Variants in CADM2 observed in about 807,000 individuals in gnomAD.
The protein encoded by CADM2 is cell adhesion molecule 2.
CADM2 carries 12 observed loss-of-function variants against 49.8 expected under a neutral mutation model. That is an observed-to-expected ratio of 0.24 (90% CI 0.15 to 0.39). The LOEUF (loss-of-function observed/expected upper bound fraction) is 0.39. Ranked by LOEUF, CADM2 falls within the 10% of genes least tolerant of loss-of-function variation. The probability of loss-of-function intolerance (pLI) is 1.00; values close to 1 mark genes in which losing one functional copy is unlikely to be tolerated. For synonymous variants in CADM2, 214 were observed against 175.4 expected, an observed-to-expected ratio of 1.22 and a Z score of -1.74; for missense variants, 378 against 492.3, an observed-to-expected ratio of 0.77 and a Z score of 2.20.
At chr3:85,467,041 G>A (rs1281608466) in intron 1 of CADM2, among the ~76,000 whole-genome samples, 4 of 151,832 alleles carry the variant, frequency 2.6e-5, no homozygotes, top group Non-Finnish European at 5.9e-5. Context: ...CACATATTGG[G>A]GTTAAAATTC....
chr3:85,685,251 T>C (rs1017518650), intron 1 of CADM2, among the ~76,000 whole-genome samples: 1 of 152,204 alleles, frequency 6.6e-6, no homozygotes, highest in Non-Finnish European at 1.5e-5. Context: ...AGGGTAAGTG[T>C]GTCACAGATG....
chr3:85,239,053 T>G (rs2107831235), intron 1 of CADM2, among the ~76,000 whole-genome samples: 1 of 151,956 alleles, frequency 6.6e-6, no homozygotes, highest in South Asian at 2.1e-4. Context: ...AAGACTTGGC[T>G]TAAACACCAG....
chr3:85,747,207 A>T (rs1029596772), intron 2 of CADM2, among the ~76,000 whole-genome samples: 2 of 152,112 alleles, frequency 1.3e-5, no homozygotes, highest in East Asian at 3.9e-4. Flanking sequence ...TTGGAGAATT[A>T]TGTATCCTGT....
intron 2 of CADM2, among the ~76,000 whole-genome samples, chr3:85,734,475 A>C (rs1433366297): frequency 2.0e-5 from 3 of 151,622 alleles, no homozygotes; most frequent in African/African-American, 7.3e-5. Flanking sequence ...ATGTAGCACT[A>C]TGATAAGATA....
chr3:85,288,773 T>C (rs1293670844), intron 1 of CADM2, among the ~76,000 whole-genome samples: 2 of 132,128 alleles, frequency 1.5e-5, no homozygotes, highest in East Asian at 4.3e-4. Context: ...AGTATTCTGC[T>C]TTACCAATAT....
intron 2 of CADM2, among the ~76,000 whole-genome samples, chr3:85,774,642 G>C (rs957852760): frequency 1.3e-5 from 2 of 150,780 alleles, no homozygotes; most frequent in Admixed American, 6.6e-5. Context: ...AATAGCTCTG[G>C]AATTAGAAAA....
At chr3:85,433,914 G>A (rs865790778) in intron 1 of CADM2, among the ~76,000 whole-genome samples, 5 of 152,078 alleles carry the variant, frequency 3.3e-5, no homozygotes, top group African/African-American at 1.2e-4. Flanking sequence ...TCCCGCTGGT[G>A]TCAAAGATAT....
rs980687573 is a variant in CADM2 at position 85,589,019 on chromosome 3, T to C, written c.62-137503T>C. On this transcript the variant is annotated intron_variant, in intron 1 of 9. Transcript: ENST00000383699. ...TAAAATATAAGCACCACAGGGAAGG[T>C]CAAAGGCTATGCATTATGTCAGATT... 5.5e-4 allele frequency among the ~76,000 whole-genome samples: 83 copies of C among 152,002 alleles called. 2 individuals are homozygous for C. The highest frequency in any genetic ancestry group is 1.0e-4 in the Non-Finnish European group (7 of 67,988).
chr3:85,531,091 G>A (rs758488566), intron 1 of CADM2, among the ~76,000 whole-genome samples: 2 of 152,070 alleles, frequency 1.3e-5, no homozygotes, highest in African/African-American at 2.4e-5. Flanking sequence ...CTTAGCATTG[G>A]TTTTTACCTG....
intron 1 of CADM2, among the ~76,000 whole-genome samples, chr3:85,689,865 T>C (rs2066330081): frequency 6.6e-6 from 1 of 152,114 alleles, no homozygotes; most frequent in Non-Finnish European, 1.5e-5. Context: ...ACATGAAATA[T>C]GGGTATAAAG....
At chr3:85,054,135 G>A (rs2035986744) in intron 1 of CADM2, among the ~76,000 whole-genome samples, 1 of 151,876 alleles carries the variant, frequency 6.6e-6, no homozygotes, top group South Asian at 2.1e-4. Flanking sequence ...ATTAAAAACA[G>A]TGTCATAAGA....
intron 5 of CADM2, among the ~76,000 whole-genome samples, chr3:85,892,374 T>C (rs1714564523): frequency 6.6e-6 from 1 of 152,148 alleles, no homozygotes; most frequent in African/African-American, 2.4e-5. Flanking sequence ...AATTATAATA[T>C]GTTCATGATA....
chr3:85,712,372 A>G (rs1577140241), intron 1 of CADM2, among the ~76,000 whole-genome samples: 1 of 152,194 alleles, frequency 6.6e-6, no homozygotes, highest in African/African-American at 2.4e-5. Context: ...GGTAATTACA[A>G]GAGTTTTCAT....
chr3:85,275,890 A>T (rs2043345556), intron 1 of CADM2, among the ~76,000 whole-genome samples: 1 of 151,254 alleles, frequency 6.6e-6, no homozygotes, highest in Non-Finnish European at 1.5e-5. Flanking sequence ...TATTATAAAG[A>T]ACCTCAGGGT....
At chr3:85,956,758 A>C (rs1480405990) in intron 7 of CADM2, among the ~76,000 whole-genome samples, 1 of 151,358 alleles carries the variant, frequency 6.6e-6, no homozygotes, top group Non-Finnish European at 1.5e-5. Context: ...AAAAAGACAT[A>C]TCTGAATTTA....
intron 1 of CADM2, among the ~76,000 whole-genome samples, chr3:84,973,692 G>A (rs1422287537): frequency 2.0e-5 from 3 of 151,600 alleles, no homozygotes; most frequent in Non-Finnish European, 2.9e-5. Flanking sequence ...CAATTCTGAT[G>A]TTACCAGCAA....
chr3:85,318,278 A>G (rs190887099), intron 1 of CADM2, among the ~76,000 whole-genome samples: 2 of 152,252 alleles, frequency 1.3e-5, no homozygotes, highest in Non-Finnish European at 2.9e-5. Context: ...TCATATGAAT[A>G]CAGAATGAAG....
intron 8 of CADM2, among the ~76,000 whole-genome samples, chr3:86,045,562 G>A (rs964800227): frequency 3.3e-5 from 5 of 151,980 alleles, no homozygotes; most frequent in South Asian, 2.1e-4. Context: ...CCTTTAAACC[G>A]CCCTTCTCCC....
intron 3 of CADM2, among the ~76,000 whole-genome samples, chr3:85,827,597 C>T (rs994458492): frequency 3.3e-5 from 5 of 151,644 alleles, no homozygotes; most frequent in African/African-American, 1.2e-4. Flanking sequence ...TTAGAAATTC[C>T]ATTTCTTTTA....
Sources: gnomAD v4.1 joint callset for allele counts (sites outside exome capture counted in the v4.1 genomes callset) on GRCh38, gnomAD v4.1.1 for gene constraint, MANE v1.5 for transcripts, NCBI Gene and HGNC (gene_info 2026-07-23, HGNC 2026-07-21) for gene names.